N4BP2L1: variants seen among roughly 807,000 people sequenced by gnomAD.
N4BP2L1 encodes NEDD4-binding protein 2-like 1.
A neutral mutation model predicts 21.2 loss-of-function variants in N4BP2L1; 12 were observed. That is an observed-to-expected ratio of 0.57 (90% confidence interval 0.36 to 0.92). The LOEUF (loss-of-function observed/expected upper bound fraction) is 0.92, where lower values mean the gene tolerates loss of function less well. Among genes scored for constraint, N4BP2L1 ranks in the 40% least tolerant of loss-of-function variants. The pLI, the probability that N4BP2L1 is intolerant of heterozygous loss-of-function variation, is 0.01. For missense variants in N4BP2L1, 259 were observed against 310.6 expected (o/e 0.83, Z 1.25); for synonymous variants, 104 against 112.8 (o/e 0.92, Z 0.49).
chr13:32,402,495 A>C lies in N4BP2L1; in HGVS notation c.*447T>G. ...TAGATACATAGATTATCAAAGTAGCAATGGCACTTTGATAAGTAGCAATGC... is the reference window on the plus strand; with the variant it reads ...TAGATACATAGATTATCAAAGTAGCCATGGCACTTTGATAAGTAGCAATGC... On this transcript the variant is annotated 3_prime_UTR_variant, in exon 5 of 5. Transcript: ENST00000380130. 1.4e-6 allele frequency: 1 copy of C among 707,996 alleles called. No homozygotes were observed. The highest frequency in any genetic ancestry group is 1.6e-6 in the Non-Finnish European group (1 of 607,028). The allele number at this position is 707,996 out of a possible 1,614,324, so 43.9% of individuals were successfully genotyped here. A position where few individuals can be genotyped will look rare whatever the true frequency, so the allele number is the denominator to read the frequency against.
At position 32,414,031 on chromosome 13, in the gene N4BP2L1, G is replaced by A. The variant is rs572766832; in HGVS notation, c.180-6259C>T. ...TGAGTAGTTGGGATTACAGGCATGT[G>A]CCACCATGCCCAGCTAATTTTTGTA... On this transcript the variant is annotated intron_variant, in intron 1 of 4. Coordinates refer to ENST00000380130, the MANE Select transcript of N4BP2L1 (RefSeq NM_052818.3). Among the ~76,000 whole-genome samples the A allele has an allele frequency of 2.0e-5, 3 of 151,964 alleles. No homozygotes were observed. The South Asian group carries it at 6.3e-4, about 32-fold the overall frequency.
In N4BP2L1 at chr13:32,419,412, A is replaced by ATTTTTTTTTTTT. The variant is rs71071039; in HGVS notation, c.179+8480_179+8491dup. 509 of 284,654 alleles carry ATTTTTTTTTTTT rather than the reference A, an allele frequency of 1.8e-3. 29 individuals are homozygous for ATTTTTTTTTTTT. Among genetic ancestry groups the ATTTTTTTTTTTT allele is most frequent in the Middle Eastern group, 2.9e-3 (2 of 692 alleles). 17.6% of individuals were successfully genotyped at this position (284,654 alleles called of 1,614,324 possible). ...GGGTGCTTGCCACCATGCTTGGCTA[A>ATTTTTTTTTTTT]TTTTTTTTTTTTTTTTTTTTTTTTT... On this transcript the variant is annotated intron_variant, in intron 1 of 4. Transcript: ENST00000380130.
chr13:32,413,558 G>A (rs979131781), intron 1 of N4BP2L1, among the ~76,000 whole-genome samples: 4 of 152,148 alleles, frequency 2.6e-5, no homozygotes, highest in African/African-American at 4.8e-5. Context: ...CTAAAGGGTG[G>A]TGTTAGCCAG....
chr13:32,401,819 A>G lies in N4BP2L1; in HGVS notation c.*1123T>C, dbSNP rs1045693638. On this transcript the variant is annotated 3_prime_UTR_variant, in exon 5 of 5. Coordinates refer to ENST00000380130, the MANE Select transcript of N4BP2L1 (RefSeq NM_052818.3). ...AATAATTTTTCACAGAACATTAGAA[A>G]GAAGCTGTTGGCCAACAAGAAATAG... 3.5e-5 allele frequency: 19 copies of G among 539,170 alleles called. No individual in the cohort carries two copies. In the African/African-American group the frequency reaches 3.9e-4, roughly 11 times the overall value. The allele number at this position is 539,170 out of a possible 1,614,324, so 33.4% of individuals were successfully genotyped here. A position where few individuals can be genotyped will look rare whatever the true frequency, so the allele number is the denominator to read the frequency against.
At chr13:32,427,824 G>T in intron 1 of N4BP2L1, 80 bp downstream of exon 1, 8 of 984,874 alleles carry the variant, frequency 8.1e-6, no homozygotes, top group Non-Finnish European at 1.1e-5. Flanking sequence ...GCCCGGGAGC[G>T]GCTTGGGGCA....
chr13:32,420,762 C>T (rs1046064610), intron 1 of N4BP2L1, among the ~76,000 whole-genome samples: 9 of 152,102 alleles, frequency 5.9e-5, no homozygotes, highest in South Asian at 2.1e-4. Flanking sequence ...GGCGTAATCT[C>T]GGCTCACTGC....
At chr13:32,405,892 C>CTTTTTTTTT (rs754694153) in intron 3 of N4BP2L1, among the ~76,000 whole-genome samples, 1 of 101,192 alleles carries the variant, frequency 9.9e-6, no homozygotes, top group Non-Finnish European at 1.8e-5. Context: ...TTCCTGCCCC[C>CTTTTTTTTT]TTTTTTTTTT....
intron 1 of N4BP2L1, among the ~76,000 whole-genome samples, chr13:32,410,914 T>C (rs993808147): frequency 1.3e-5 from 2 of 152,204 alleles, no homozygotes; most frequent in Non-Finnish European, 2.9e-5. Flanking sequence ...TTAAGTCTGC[T>C]ACTTACAAGT....
Position 32,428,006 on chromosome 13 carries a change from G to A in N4BP2L1, c.77C>T (p.Pro26Leu), listed in dbSNP as rs1029052278. The A allele has an allele frequency of 5.8e-6, 9 of 1,560,030 alleles. No homozygotes were observed. The African/African-American group carries it at 1.1e-4, about 19-fold the overall frequency. The change falls in exon 1 of 5, where the codon CCC becomes CTC. Residue 26 changes from proline to leucine, a missense_variant. This residue lies in a region of N4BP2L1 where 60 missense variants were observed against 54.7 expected (regional missense o/e 1.10). Coordinates refer to ENST00000380130, the MANE Select transcript of N4BP2L1 (RefSeq NM_052818.3). ...PQQQQQRQRP[P>L]RPPPRGTPPR... is the part of the protein sequence containing the mutation. ...AGGTGTCCCCCGCGGGGGCGGCCGGGGCGGCCGCTGCCGCTGCTGCTGCTG... is the reference window on the plus strand; with the variant it reads ...AGGTGTCCCCCGCGGGGGCGGCCGGAGCGGCCGCTGCCGCTGCTGCTGCTG...
Position 32,402,312 on chromosome 13 carries a change from G to T in N4BP2L1, c.*630C>A. On this transcript the variant is annotated 3_prime_UTR_variant, in exon 5 of 5. Coordinates refer to ENST00000380130, the MANE Select transcript of N4BP2L1 (RefSeq NM_052818.3). The stretch of plus-strand genomic sequence containing the variant: ...CTCAGTAGCTCCTGTAGCTATTAAG[G>T]ATTTGACAGCATTTTTAACAATGAT... 3.5e-6 allele frequency: 2 copies of T among 576,206 alleles called. No individual in the cohort carries two copies. Among genetic ancestry groups the T allele is most frequent in the Non-Finnish European group, 4.4e-6 (2 of 456,580 alleles). 35.7% of individuals were successfully genotyped at this position (576,206 alleles called of 1,614,324 possible).
At chr13:32,423,755 T>C (rs1198269735) in intron 1 of N4BP2L1, among the ~76,000 whole-genome samples, 1 of 152,172 alleles carries the variant, frequency 6.6e-6, no homozygotes, top group Non-Finnish European at 1.5e-5. Flanking sequence ...AGGAAGTAGC[T>C]GAGAGGTTAC....
intron 1 of N4BP2L1, among the ~76,000 whole-genome samples, chr13:32,417,489 A>G (rs1313065669): frequency 2.0e-5 from 3 of 152,216 alleles, no homozygotes; most frequent in Non-Finnish European, 4.4e-5. Context: ...CTCCCCAGCC[A>G]TGCTGAACTG....
Position 32,401,032 on chromosome 13 carries a change from G to A in N4BP2L1, c.*1910C>T, listed in dbSNP as rs2073103337. Reference sequence around the variant, plus strand: ...TTCTTTAGAGCTCTAGAAAAGTTATGTAACCCAGAGCCACTTCTCCATAGT... The same window carrying A: ...TTCTTTAGAGCTCTAGAAAAGTTATATAACCCAGAGCCACTTCTCCATAGT... On this transcript the variant is annotated 3_prime_UTR_variant, in exon 5 of 5. Coordinates refer to ENST00000380130, the MANE Select transcript of N4BP2L1 (RefSeq NM_052818.3). 6.6e-6 allele frequency: 1 copy of A among 152,168 alleles called. No homozygotes were observed. 9.4% of individuals were successfully genotyped at this position (152,168 alleles called of 1,614,324 possible). A position where few individuals can be genotyped will look rare whatever the true frequency, so the allele number is the denominator to read the frequency against.
upstream of N4BP2L1, chr13:32,428,209 C>G (rs1474688948): frequency 1.0e-6 from 1 of 967,118 alleles, no homozygotes; most frequent in Non-Finnish European, 1.4e-6. Flanking sequence ...GGAGCCCAGC[C>G]CCTCCTTTCC....
chr13:32,411,619 T>C (rs1419254305), intron 1 of N4BP2L1: 2 of 985,040 alleles, frequency 2.0e-6, no homozygotes, highest in Non-Finnish European at 2.4e-6. Context: ...ATTGAGAGAA[T>C]GAAAATAAAA....
chr13:32,426,672 G>A (rs2074784033), intron 1 of N4BP2L1, among the ~76,000 whole-genome samples: 1 of 152,084 alleles, frequency 6.6e-6, no homozygotes, highest in South Asian at 2.1e-4. Context: ...CAGTTCCTTG[G>A]TACCATGGCT....
rs746293329 is a variant in N4BP2L1, at chr13:32,428,072, CTG to C, written c.9_10del (p.Asp3GlufsTer38). 6.7e-6 allele frequency: 10 copies of C among 1,483,864 alleles called. No individual in the cohort carries two copies. The allele number at this position is 1,483,864 out of a possible 1,614,324, so 91.9% of individuals were successfully genotyped here. A position where few individuals can be genotyped will look rare whatever the true frequency, so the allele number is the denominator to read the frequency against. ...CAGCCTCCCAAAAGATTGAAGGAAA[CTG>C]TCCTCCATGGGCAGGAGGGCTGGCT... On this transcript the variant is annotated frameshift_variant, in exon 1 of 5. Coordinates refer to ENST00000380130, the MANE Select transcript of N4BP2L1 (RefSeq NM_052818.3). LOFTEE classifies it high-confidence loss of function.
rs1484209020 is a variant in N4BP2L1 at position 32,419,389 on chromosome 13, G to A, written c.179+8515C>T. On this transcript the variant is annotated intron_variant, in intron 1 of 4. Transcript: ENST00000380130. ...GCCTCTTGACTAGCCAGGATTACGGGTGCTTGCCACCATGCTTGGCTAATT... is the reference window on the plus strand; with the variant it reads ...GCCTCTTGACTAGCCAGGATTACGGATGCTTGCCACCATGCTTGGCTAATT... 4 of 406,968 alleles carry A rather than the reference G, an allele frequency of 9.8e-6. No individual in the cohort carries two copies. The East Asian group carries it at 3.2e-4, about 32-fold the overall frequency. The allele number at this position is 406,968 out of a possible 1,614,324, so 25.2% of individuals were successfully genotyped here.
Position 32,402,641 on chromosome 13 carries a change from T to G in N4BP2L1, c.*301A>C. 1 of 1,106,022 alleles carries G rather than the reference T, an allele frequency of 9.0e-7. No individual in the cohort carries two copies. The highest frequency in any genetic ancestry group is 1.1e-6 in the Non-Finnish European group (1 of 905,796). 68.5% of individuals were successfully genotyped at this position (1,106,022 alleles called of 1,614,324 possible). A position where few individuals can be genotyped will look rare whatever the true frequency, so the allele number is the denominator to read the frequency against. ...CTTATATATAATATAAACACTTTAT[T>G]TCATCTATGAACCTATGTAAATATA... On this transcript the variant is annotated 3_prime_UTR_variant, in exon 5 of 5. Transcript: ENST00000380130.
Sources: allele counts gnomAD v4.1 joint callset (sites outside exome capture counted in the v4.1 genomes callset), GRCh38; gene constraint gnomAD v4.1.1; regional missense constraint gnomAD v4.1.1; transcripts MANE v1.5; gene names NCBI Gene and HGNC (gene_info 2026-07-23, HGNC 2026-07-21).